Variants in SEMA6D observed in about 807,000 individuals in gnomAD.
SEMA6D encodes semaphorin-6D.
In SEMA6D, 35 loss-of-function variants were observed where a neutral mutation model predicts 106.6. That is an observed-to-expected ratio of 0.33 (90% CI 0.25 to 0.44). The LOEUF (loss-of-function observed/expected upper bound fraction) is 0.44. Among genes scored for constraint, SEMA6D ranks in the 20% least tolerant of loss-of-function variants. SEMA6D has a pLI of 1.00. For synonymous variants in SEMA6D, 499 were observed against 487.7 expected, an observed-to-expected ratio of 1.02 and a Z score of -0.31; for missense variants, 1,185 against 1,345.9, an observed-to-expected ratio of 0.88 and a Z score of 1.87.
chr15:47,480,287 C>G (rs1416360655), intron 3 of SEMA6D, among the ~76,000 whole-genome samples: 1 of 152,054 alleles, frequency 6.6e-6, no homozygotes, highest in Non-Finnish European at 1.5e-5. Context: ...GGGACTTTAG[C>G]TAATGGGTAT....
intron 1 of SEMA6D, among the ~76,000 whole-genome samples, chr15:47,732,818 A>G (rs764864042): frequency 6.6e-6 from 1 of 152,230 alleles, no homozygotes; most frequent in African/African-American, 2.4e-5. Flanking sequence ...TGACACTGCA[A>G]GAAAATGCTA....
At chr15:47,302,258 G>T (rs1208062155) in intron 1 of SEMA6D, among the ~76,000 whole-genome samples, 1 of 151,976 alleles carries the variant, frequency 6.6e-6, no homozygotes, top group East Asian at 1.9e-4. Flanking sequence ...GCCCTTTTAG[G>T]GTTATATTAT....
chr15:47,454,891 T>A (rs145927591), intron 2 of SEMA6D, among the ~76,000 whole-genome samples: 2 of 152,004 alleles, frequency 1.3e-5, no homozygotes, highest in African/African-American at 4.8e-5. Flanking sequence ...AATTTGAATC[T>A]TGGCTTTATG....
At chr15:47,645,278 G>A (rs1414181309) in intron 4 of SEMA6D, among the ~76,000 whole-genome samples, 6 of 152,166 alleles carry the variant, frequency 3.9e-5, no homozygotes, top group Non-Finnish European at 8.8e-5. Flanking sequence ...CTCCCTCTCT[G>A]AAGGCACCAG....
intron 1 of SEMA6D, among the ~76,000 whole-genome samples, chr15:47,258,861 T>A (rs1397796784): frequency 1.3e-5 from 2 of 152,130 alleles, no homozygotes; most frequent in Non-Finnish European, 2.9e-5. Context: ...TTGACAACAT[T>A]TTATTATTTG....
chr15:47,728,375 T>A (rs2079899844), intron 1 of SEMA6D, among the ~76,000 whole-genome samples: 1 of 152,226 alleles, frequency 6.6e-6, no homozygotes, highest in African/African-American at 2.4e-5. Flanking sequence ...CACTTTATTA[T>A]AATCAGCCAT....
At chr15:47,697,839 A>G (rs575045264) in intron 4 of SEMA6D, among the ~76,000 whole-genome samples, 61 of 152,198 alleles carry the variant, frequency 4.0e-4, no homozygotes, top group Admixed American at 1.2e-3. Context: ...CCACCATCTC[A>G]TGTCTGACAC....
intron 1 of SEMA6D, among the ~76,000 whole-genome samples, chr15:47,206,472 C>A (rs918027222): frequency 6.6e-6 from 1 of 152,078 alleles, no homozygotes; most frequent in Admixed American, 6.6e-5. Flanking sequence ...TTTTATTCAC[C>A]CCTTAGGCAG....
rs530047271 is a variant in SEMA6D at position 47,575,643 on chromosome 15, C to T, written c.-86-25222C>T. On this transcript the variant is annotated intron_variant, in intron 3 of 19. Transcript: ENST00000558014. Reference sequence around the variant, plus strand: ...CTGAGGCAGGAGAATCGCTTCAACCCGAAAGGCGGAGGTTGCAGTGAGCTG... The same window carrying T: ...CTGAGGCAGGAGAATCGCTTCAACCTGAAAGGCGGAGGTTGCAGTGAGCTG... 2.6e-4 allele frequency among the ~76,000 whole-genome samples: 39 copies of T among 152,126 alleles called. No individual in the cohort carries two copies. In the South Asian group the frequency reaches 6.2e-3, roughly 24 times the overall value.
At chr15:47,246,475 A>C (rs1164371478) in intron 1 of SEMA6D, among the ~76,000 whole-genome samples, 1 of 152,162 alleles carries the variant, frequency 6.6e-6, no homozygotes, top group Non-Finnish European at 1.5e-5. Flanking sequence ...GTCATAGCCA[A>C]GGTGTCCAAC....
chr15:47,185,505 C>G (rs1388175838), intron 1 of SEMA6D, among the ~76,000 whole-genome samples: 4 of 152,108 alleles, frequency 2.6e-5, no homozygotes, highest in African/African-American at 9.7e-5. Context: ...CGCCCCCTCC[C>G]TCCTTTTTTT....
chr15:47,254,319 A>G (rs372235493), intron 1 of SEMA6D, among the ~76,000 whole-genome samples: 20 of 134,682 alleles, frequency 1.5e-4, no homozygotes, highest in African/African-American at 2.9e-4. Context: ...ATGTATATAT[A>G]TGTGTGTGTG....
chr15:47,504,678 A>G (rs12908208), intron 3 of SEMA6D, among the ~76,000 whole-genome samples: 39,148 of 152,060 alleles, frequency 0.26, 5,709 homozygotes, highest in East Asian at 0.48. Context: ...TATGCCCTCT[A>G]AGTGGAACTC....
chr15:47,448,261 G>A (rs1011104091), intron 2 of SEMA6D, among the ~76,000 whole-genome samples: 2 of 152,104 alleles, frequency 1.3e-5, no homozygotes, highest in African/African-American at 4.8e-5. Flanking sequence ...CTTTGTTCAT[G>A]CCTGTGTGAC....
intron 1 of SEMA6D, among the ~76,000 whole-genome samples, chr15:47,192,400 A>G (rs529150517): frequency 6.6e-6 from 1 of 152,220 alleles, no homozygotes; most frequent in African/African-American, 2.4e-5. Context: ...GCAATTTGCC[A>G]ATGAAAAAGA....
intron 2 of SEMA6D, among the ~76,000 whole-genome samples, chr15:47,424,011 G>GA (rs2041253624): frequency 2.0e-5 from 3 of 152,064 alleles, no homozygotes; most frequent in African/African-American, 2.4e-5. Context: ...CAAAAGCTCA[G>GA]AGAATGATTC....
chr15:47,407,368 C>CAAAAA (rs779136178), intron 1 of SEMA6D, among the ~76,000 whole-genome samples: 26 of 47,836 alleles, frequency 5.4e-4, no homozygotes, highest in African/African-American at 2.2e-3. Flanking sequence ...GACTCTATCT[C>CAAAAA]AAAAAAAAAA....
chr15:47,269,030 T>C (rs910992831), intron 1 of SEMA6D, among the ~76,000 whole-genome samples: 1 of 152,178 alleles, frequency 6.6e-6, no homozygotes, highest in African/African-American at 2.4e-5. Flanking sequence ...ATTTGGGGCA[T>C]ACATTGAGTA....
chr15:47,509,675 C>T (rs1280138561), intron 3 of SEMA6D, among the ~76,000 whole-genome samples: 2 of 152,202 alleles, frequency 1.3e-5, no homozygotes, highest in African/African-American at 2.4e-5. Flanking sequence ...CTCTTCCAGT[C>T]ATTTAAAATA....
Sources: allele counts gnomAD v4.1 joint callset (sites outside exome capture counted in the v4.1 genomes callset), GRCh38; gene constraint gnomAD v4.1.1; transcripts MANE v1.5; gene names NCBI Gene and HGNC (gene_info 2026-07-23, HGNC 2026-07-21).